Variants in PRICKLE2 observed in about 807,000 individuals in gnomAD.
PRICKLE2 encodes prickle-like protein 2.
Under a neutral mutation model 81.4 loss-of-function variants are expected in PRICKLE2, and 21 were observed. That is an observed-to-expected ratio of 0.26 (90% CI 0.18 to 0.37). PRICKLE2 has a LOEUF of 0.37. PRICKLE2 is among the 10% of genes least tolerant of loss of function. PRICKLE2 has a pLI of 1.00. For synonymous variants in PRICKLE2, 456 were observed against 421.5 expected (o/e 1.08, Z -1.00); for missense variants, 940 against 1,109.0 (o/e 0.85, Z 2.16).
At chr3:64,201,220 C>G (rs933197194) in intron 1 of PRICKLE2, among the ~76,000 whole-genome samples, 1 of 152,262 alleles carries the variant, frequency 6.6e-6, no homozygotes, top group South Asian at 2.1e-4. Flanking sequence ...TGAGCCACCA[C>G]GCCTGGCCAA....
chr3:64,165,963 GGTGTGTGTGTGTGT>G (rs67554015), intron 2 of PRICKLE2, among the ~76,000 whole-genome samples: 682 of 61,848 alleles, frequency 0.011, 9 homozygotes, highest in Middle Eastern at 0.036. Flanking sequence ...CTGTTATAAA[GGTGTGTGTGTGTGT>G]GTGTGTGTGT....
At chr3:64,247,822 T>C (rs2079380009) in intron 2 of PRICKLE2, among the ~76,000 whole-genome samples, 1 of 152,212 alleles carries the variant, frequency 6.6e-6, no homozygotes, top group South Asian at 2.1e-4. Flanking sequence ...TTAGGAGTTA[T>C]AGCATGGAAT....
Position 64,151,510 on chromosome 3 carries a change from C to G in PRICKLE2, c.787+1672G>C, listed in dbSNP as rs2077547388. ...CTCTGCCAAGTACTGAGCAAAAATT[C>G]TAAGTGGCAGTTTCTGGAGAGGCTC... On this transcript the variant is annotated intron_variant, in intron 6 of 7. Transcript: ENST00000638394. Among the ~76,000 whole-genome samples, 3 of 152,268 alleles carry G rather than the reference C, an allele frequency of 2.0e-5. No individual in the cohort carries two copies. In the South Asian group the frequency reaches 6.2e-4, roughly 32 times the overall value.
intron 2 of PRICKLE2, among the ~76,000 whole-genome samples, chr3:64,179,080 C>A (rs909454537): frequency 7.4e-5 from 11 of 147,852 alleles, no homozygotes; most frequent in African/African-American, 2.7e-4. Context: ...CTCTCTCTCT[C>A]TGTCTCTTTC....
chr3:64,151,112 A>G (rs559087800), intron 6 of PRICKLE2, among the ~76,000 whole-genome samples: 138 of 152,348 alleles, frequency 9.1e-4, no homozygotes, highest in Admixed American at 3.5e-3. Context: ...CGGCTGCCTG[A>G]CGCAGGGCCT....
chr3:64,121,854 C>T (rs1056111115), intron 7 of PRICKLE2, among the ~76,000 whole-genome samples: 1 of 152,048 alleles, frequency 6.6e-6, no homozygotes. Flanking sequence ...ATGACTGGCT[C>T]GGAAAGTAGA....
intron 2 of PRICKLE2, among the ~76,000 whole-genome samples, chr3:64,263,440 C>G (rs1367894591): frequency 6.6e-6 from 1 of 152,154 alleles, no homozygotes; most frequent in Non-Finnish European, 1.5e-5. Context: ...TCAGGTCAGG[C>G]CAAGGGAGAA....
intron 2 of PRICKLE2, among the ~76,000 whole-genome samples, chr3:64,249,155 G>A (rs2079404008): frequency 1.3e-5 from 2 of 152,156 alleles, no homozygotes; most frequent in Admixed American, 1.3e-4. Flanking sequence ...TTAACAGGAA[G>A]CACAACTGGG....
At chr3:64,209,185 A>T (rs754587585) in intron 1 of PRICKLE2, among the ~76,000 whole-genome samples, 14 of 151,956 alleles carry the variant, frequency 9.2e-5, no homozygotes, top group Non-Finnish European at 1.5e-4. Flanking sequence ...ATTCATATCC[A>T]TACATACATC....
chr3:64,233,928 A>G (rs2079142455), intron 2 of PRICKLE2, among the ~76,000 whole-genome samples: 1 of 152,212 alleles, frequency 6.6e-6, no homozygotes, highest in Non-Finnish European at 1.5e-5. Context: ...GTGAAAACAT[A>G]TAATATGTGG....
At chr3:64,247,697 G>C (rs2079378380) in intron 2 of PRICKLE2, among the ~76,000 whole-genome samples, 1 of 152,146 alleles carries the variant, frequency 6.6e-6, no homozygotes, top group South Asian at 2.1e-4. Flanking sequence ...CTATGACTAT[G>C]ACATATGAGA....
At chr3:64,244,171 G>A in intron 2 of PRICKLE2, among the ~76,000 whole-genome samples, 1 of 152,118 alleles carries the variant, frequency 6.6e-6, no homozygotes, top group Non-Finnish European at 1.5e-5. Flanking sequence ...CCGTATTTTG[G>A]CCTTGATATT....
At chr3:64,118,111 C>T (rs1478516807) in intron 7 of PRICKLE2, among the ~76,000 whole-genome samples, 1 of 152,130 alleles carries the variant, frequency 6.6e-6, no homozygotes, top group Non-Finnish European at 1.5e-5. Flanking sequence ...GAAAGGATTG[C>T]CTGCTAAATA....
chr3:64,093,399 G>C lies in PRICKLE2; in HGVS notation c.*5652C>G, dbSNP rs1296765481. ...TGGGTATAGCCCAGAAGTAGCATAT[G>C]GTAGTAATTCTATTTTTAATTTTTT... is the stretch of plus-strand genomic sequence containing the variant. On this transcript the variant is annotated 3_prime_UTR_variant, in exon 8 of 8. Transcript: ENST00000638394. The C allele has an allele frequency of 6.6e-6, 1 of 152,212 alleles. No individual in the cohort carries two copies. Among genetic ancestry groups the C allele is most frequent in the Non-Finnish European group, 1.5e-5 (1 of 68,060 alleles). The allele number at this position is 152,212 out of a possible 1,614,324, so 9.4% of individuals were successfully genotyped here.
intron 1 of PRICKLE2, among the ~76,000 whole-genome samples, chr3:64,209,865 G>A (rs2078757453): frequency 6.6e-6 from 1 of 152,210 alleles, no homozygotes; most frequent in Non-Finnish European, 1.5e-5. Flanking sequence ...AACTGAGGAT[G>A]GGTGAGGACG....
chr3:64,213,067 G>GT (rs1167223665), intron 1 of PRICKLE2, among the ~76,000 whole-genome samples: 4 of 142,870 alleles, frequency 2.8e-5, no homozygotes, highest in African/African-American at 7.8e-5. Context: ...ACTAATGACT[G>GT]TTTTTTGTTC....
chr3:64,144,742 T>C (rs1371651811), intron 7 of PRICKLE2, among the ~76,000 whole-genome samples: 1 of 152,260 alleles, frequency 6.6e-6, no homozygotes, highest in African/African-American at 2.4e-5. Flanking sequence ...ATGGCCCTGC[T>C]GAGCATGTCT....
At chr3:64,183,653 G>A (rs1231459960) in intron 2 of PRICKLE2, among the ~76,000 whole-genome samples, 1 of 152,114 alleles carries the variant, frequency 6.6e-6, no homozygotes, top group African/African-American at 2.4e-5. Flanking sequence ...TACTGTTCAT[G>A]AACTCTATCA....
chr3:64,129,147 T>C (rs2077162021), intron 7 of PRICKLE2, among the ~76,000 whole-genome samples: 2 of 152,164 alleles, frequency 1.3e-5, no homozygotes, highest in African/African-American at 4.8e-5. Flanking sequence ...TTGAGAACCA[T>C]GGGATTATGG....
Sources: gnomAD v4.1 joint callset for allele counts (sites outside exome capture counted in the v4.1 genomes callset) on GRCh38, gnomAD v4.1.1 for gene constraint, MANE v1.5 for transcripts, NCBI Gene and HGNC (gene_info 2026-07-23, HGNC 2026-07-21) for gene names.